The following PRR5 variants were observed in gnomAD, a reference collection of about 807,000 sequenced individuals.
The protein encoded by PRR5 is proline rich 5.
In PRR5, 25 loss-of-function variants were observed where a neutral mutation model predicts 30.6. That is an observed-to-expected ratio of 0.82 (90% CI 0.60 to 1.14). PRR5 has a LOEUF of 1.14. Ranked by LOEUF, PRR5 falls within the 50% of genes most tolerant of loss-of-function variation. PRR5 has a pLI of 0.00. For synonymous variants in PRR5, 286 were observed against 247.1 expected (o/e 1.16, Z -1.48); for missense variants, 600 against 547.1 (o/e 1.10, Z -0.96).
intron 6 of PRR5, chr22:44,734,589 G>T: frequency 6.2e-6 from 1 of 162,278 alleles, no homozygotes; most frequent in Non-Finnish European, 1.3e-5. Context: ...CTTGTGAGGT[G>T]GTCCCTGATG....
chr22:44,688,000 C>A (rs968010334), intron 1 of PRR5, among the ~76,000 whole-genome samples: 2 of 150,980 alleles, frequency 1.3e-5, no homozygotes, highest in Admixed American at 1.3e-4. Flanking sequence ...GTCTCGAACT[C>A]CTGACCTCAG....
chr22:44,700,467 C>T (rs766840315), upstream of PRR5, among the ~76,000 whole-genome samples: 2 of 152,012 alleles, frequency 1.3e-5, no homozygotes, highest in African/African-American at 2.4e-5. Context: ...CCATCACACA[C>T]GCAAAAAATC....
At chr22:44,680,943 G>T (rs952906286) in intron 1 of PRR5, among the ~76,000 whole-genome samples, 4 of 152,212 alleles carry the variant, frequency 2.6e-5, no homozygotes, top group Non-Finnish European at 4.4e-5. Context: ...CTACAATGTG[G>T]TCTCCACATT....
intron 4 of PRR5, 69 bp from the exon 5 acceptor site, chr22:44,731,661 C>G: frequency 2.0e-6 from 3 of 1,506,158 alleles, no homozygotes; most frequent in Non-Finnish European, 2.8e-6. Flanking sequence ...TCTGATGACC[C>G]ATCCTGGGTG....
intron 6 of PRR5, among the ~76,000 whole-genome samples, chr22:44,733,157 AGGTG>A (rs532557218): frequency 4.3e-4 from 66 of 152,380 alleles, no homozygotes; most frequent in Admixed American, 2.7e-3. Context: ...CCCTCACAGC[AGGTG>A]GGGAGAGGTG....
At position 44,732,351 on chromosome 22, in the gene PRR5, G is replaced by A. The variant is rs201161761; in HGVS notation, c.515G>A (p.Arg172His). ...LEDALARAHA[R>H]VPPAIVQMLL... ...GATGCGCTGGCCCGGGCCCATGCCC[G>A]TGTGCCCCCTGCCATCGTGCAGATG... The change falls in exon 6 of 8, where the codon CGT becomes CAT. Residue 172 changes from arginine to histidine, a missense_variant. Physicochemically the swap from Arg to His is conservative, Grantham distance 29 (BLOSUM62 0). Transcript: ENST00000336985. 95 of 1,611,562 alleles carry A rather than the reference G, an allele frequency of 5.9e-5. No homozygotes were observed. Among genetic ancestry groups the A allele is most frequent in the Middle Eastern group, 1.9e-4 (1 of 5,328 alleles).
intron 1 of PRR5, among the ~76,000 whole-genome samples, chr22:44,712,814 C>T (rs773339669): frequency 2.6e-5 from 4 of 152,114 alleles, no homozygotes; most frequent in African/African-American, 4.8e-5. Flanking sequence ...GGCTGTTGTA[C>T]CCAGACCTGG....
At chr22:44,678,561 C>T (rs553580166) in intron 1 of PRR5, among the ~76,000 whole-genome samples, 12 of 152,124 alleles carry the variant, frequency 7.9e-5, no homozygotes, top group Non-Finnish European at 1.0e-4. Context: ...GTGATCCACC[C>T]GCCTCTGCCC....
chr22:44,697,304 C>T (rs118172284), upstream of PRR5, among the ~76,000 whole-genome samples: 332 of 152,330 alleles, frequency 2.2e-3, 10 homozygotes, highest in East Asian at 0.053. Context: ...CGTGCGACCA[C>T]CCTGGCGGCG....
chr22:44,729,382 A>G, intron 4 of PRR5: 1 of 985,216 alleles, frequency 1.0e-6, no homozygotes, highest in Non-Finnish European at 1.2e-6. Flanking sequence ...GCCCACAGCG[A>G]GAACCCCAGA....
At position 44,711,686 on chromosome 22, in the gene PRR5, C is replaced by T. The variant is rs116769553; in HGVS notation, c.135-2905C>T. Among the ~76,000 whole-genome samples the T allele has an allele frequency of 2.7e-3, 414 of 152,280 alleles. 1 individual carries two copies. Among genetic ancestry groups the T allele is most frequent in the African/African-American group, 9.3e-3 (388 of 41,558 alleles). On this transcript the variant is annotated intron_variant, in intron 1 of 7. Transcript: ENST00000336985. ...GAATTGGGTCCAGCAGTGGCTCCAC[C>T]GTCCGCTGTAAGGGAGGCCTGGGCT...
intron 1 of PRR5, among the ~76,000 whole-genome samples, chr22:44,695,259 G>A (rs1036510421): frequency 4.6e-5 from 7 of 152,272 alleles, no homozygotes; most frequent in Admixed American, 2.6e-4. Flanking sequence ...ATGGGAATTC[G>A]CATGCCATAT....
At chr22:44,682,411 C>T (rs866958824) in intron 1 of PRR5, among the ~76,000 whole-genome samples, 7 of 152,214 alleles carry the variant, frequency 4.6e-5, no homozygotes, top group African/African-American at 1.7e-4. Flanking sequence ...CCACCTTCCA[C>T]CGTGGCTGTC....
At chr22:44,677,555 G>A (rs1464353200) in intron 1 of PRR5, among the ~76,000 whole-genome samples, 1 of 152,240 alleles carries the variant, frequency 6.6e-6, no homozygotes, top group Non-Finnish European at 1.5e-5. Flanking sequence ...GGGGTGGGAC[G>A]AAGGGCAGGG....
At chr22:44,708,397 A>G (rs768670714) in intron 1 of PRR5, among the ~76,000 whole-genome samples, 20 of 152,126 alleles carry the variant, frequency 1.3e-4, no homozygotes, top group Admixed American at 6.5e-4. Flanking sequence ...GCTGGCTTCC[A>G]TAGCTAGGGT....
At chr22:44,675,332 G>C (rs191591829), upstream of PRR5, among the ~76,000 whole-genome samples, 7 of 152,268 alleles carry the variant, frequency 4.6e-5, no homozygotes, top group East Asian at 1.4e-3. Context: ...GGCTCAAACT[G>C]TCCTCCTGCC....
Position 44,736,981 on chromosome 22 carries a change from C to T in PRR5, c.901C>T (p.Gln301Ter). The change falls in exon 8 of 8, where the codon CAG becomes TAG. Residue 301 changes from glutamine to a stop codon, truncating the protein, a stop_gained. Transcript: ENST00000336985. LOFTEE classifies it low-confidence loss of function (END_TRUNC). ...EPQGFSDPPG[Q>*]GPTGTFRSSP... ...TCAGGGCTTCTCCGACCCGCCCGGC[C>T]AGGGCCCCACCGGGACCTTCAGGTC... 2 of 1,600,858 alleles carry T rather than the reference C, an allele frequency of 1.2e-6. No individual in the cohort carries two copies. The highest frequency in any genetic ancestry group is 1.7e-6 in the Non-Finnish European group (2 of 1,174,232).
chr22:44,729,637 C>T, intron 4 of PRR5: 1 of 985,480 alleles, frequency 1.0e-6, no homozygotes. Flanking sequence ...CCATACCTGC[C>T]TCCGACTAAC....
At chr22:44,669,265 GCAAA>G (rs781564917) in intron 1 of PRR5, among the ~76,000 whole-genome samples, 33 of 152,246 alleles carry the variant, frequency 2.2e-4, no homozygotes, top group Non-Finnish European at 3.4e-4. Context: ...CCCTAATAGG[GCAAA>G]CAAAGATGGT....
Sources: gnomAD v4.1 joint callset for allele counts (sites outside exome capture counted in the v4.1 genomes callset) on GRCh38, gnomAD v4.1.1 for gene constraint, MANE v1.5 for transcripts, NCBI Gene and HGNC (gene_info 2026-07-23, HGNC 2026-07-21) for gene names.